Variants in MOXD1 observed in about 807,000 individuals in gnomAD.
MOXD1 encodes monooxygenase DBH like 1, also known as DBH-like monooxygenase protein 1.
MOXD1 carries 62 observed loss-of-function variants against 66.6 expected under a neutral mutation model. The observed-to-expected ratio is 0.93, with a 90% CI of 0.76 to 1.15. The LOEUF (loss-of-function observed/expected upper bound fraction) is 1.15, where lower values mean the gene tolerates loss of function less well. MOXD1 is among the 50% of genes most tolerant of loss of function. MOXD1 has a pLI of 0.00. For synonymous variants in MOXD1, 303 were observed against 281.9 expected (o/e 1.07, Z -0.75); for missense variants, 847 against 754.6 (o/e 1.12, Z -1.44).
chr6:132,390,363 T>C lies in MOXD1; in HGVS notation c.264+10800A>G, dbSNP rs1011903433. The C allele has an allele frequency of 4.6e-5, 7 of 151,528 alleles. 2 individuals carry two copies. Among genetic ancestry groups the C allele is most frequent in the Non-Finnish European group, 1.0e-4 (7 of 67,750 alleles). 9.4% of individuals were successfully genotyped at this position (151,528 alleles called of 1,614,324 possible). A position where few individuals can be genotyped will look rare whatever the true frequency, so the allele number is the denominator to read the frequency against. On this transcript the variant is annotated intron_variant, in intron 1 of 11. Transcript: ENST00000367963. Reference sequence around the variant, plus strand: ...AACCTTCAAAACTTGGGACACTTGTTTTCTTTCATGTTTTGAGTATCAGCA... The same window carrying C: ...AACCTTCAAAACTTGGGACACTTGTCTTCTTTCATGTTTTGAGTATCAGCA...
intron 4 of MOXD1, among the ~76,000 whole-genome samples, chr6:132,335,541 G>A (rs980192396): frequency 2.0e-5 from 3 of 152,300 alleles, no homozygotes; most frequent in Middle Eastern, 6.8e-3. Context: ...AGATTGGAGT[G>A]ATGCTGCCAC....
At chr6:132,384,152 T>A (rs192430616) in intron 1 of MOXD1, among the ~76,000 whole-genome samples, 1 of 152,232 alleles carries the variant, frequency 6.6e-6, no homozygotes, top group Non-Finnish European at 1.5e-5. Context: ...CTTTCCTTTA[T>A]CCTTCCCTCC....
chr6:132,363,887 A>G (rs375500961), intron 4 of MOXD1, among the ~76,000 whole-genome samples: 24 of 151,352 alleles, frequency 1.6e-4, no homozygotes, highest in African/African-American at 4.9e-4. Context: ...ATATCTTAGT[A>G]TTCTTTCAAT....
intron 4 of MOXD1, 79 bp downstream of exon 4, chr6:132,372,529 T>C: frequency 7.8e-7 from 1 of 1,283,324 alleles, no homozygotes. Flanking sequence ...TTCTATACTT[T>C]TACTGTTTTC....
chr6:132,386,066 G>A (rs1445976204), intron 1 of MOXD1, among the ~76,000 whole-genome samples: 1 of 140,748 alleles, frequency 7.1e-6, no homozygotes, highest in Admixed American at 7.4e-5. Flanking sequence ...TCGCGCCACT[G>A]CACTCCAGCC....
intron 10 of MOXD1, among the ~76,000 whole-genome samples, chr6:132,309,725 C>G (rs544137458): frequency 6.6e-6 from 1 of 152,096 alleles, no homozygotes; most frequent in African/African-American, 2.4e-5. Context: ...CAACCATTAA[C>G]AAACTTGACA....
Position 132,322,836 on chromosome 6 carries a change from ACAT to A in MOXD1, c.1145_1147del (p.His382_Val383delinsLeu). 1 of 1,613,820 alleles carries A rather than the reference ACAT, an allele frequency of 6.2e-7. No homozygotes were observed. On this transcript the variant is annotated inframe_deletion, in exon 8 of 12. Coordinates refer to ENST00000367963, the MANE Select transcript of MOXD1 (RefSeq NM_015529.4). ...GTGAGCATGGAGAAGAACAGCAAACACATGAATTCCACTTGGCTTTTCGGCTTC... is the reference window on the plus strand; with the variant it reads ...GTGAGCATGGAGAAGAACAGCAAACAGAATTCCACTTGGCTTTTCGGCTTC...
chr6:132,322,993 G>A, intron 7 of MOXD1, 123 bp from the exon 8 acceptor site: 1 of 852,270 alleles, frequency 1.2e-6, no homozygotes, highest in Non-Finnish European at 1.7e-6. Flanking sequence ...ATGAATGCTT[G>A]AACTGAAAAA....
At chr6:132,323,468 G>T (rs1173602458) in intron 7 of MOXD1, among the ~76,000 whole-genome samples, 4 of 151,974 alleles carry the variant, frequency 2.6e-5, no homozygotes, top group Non-Finnish European at 5.9e-5. Context: ...AGTGAAAATT[G>T]TCATTACTAA....
At chr6:132,346,996 C>T (rs56352231) in intron 4 of MOXD1, among the ~76,000 whole-genome samples, 8,695 of 152,126 alleles carry the variant, frequency 0.057, 464 homozygotes, top group African/African-American at 0.14. Flanking sequence ...TTTATGATCA[C>T]GTAAAAGATA....
intron 10 of MOXD1, among the ~76,000 whole-genome samples, chr6:132,309,240 A>G (rs1260667354): frequency 2.0e-5 from 3 of 152,212 alleles, no homozygotes; most frequent in Admixed American, 2.0e-4. Context: ...ACAAGCAGAG[A>G]GCCAAATCAT....
chr6:132,376,741 C>A lies in MOXD1; in HGVS notation c.265-1964G>T, dbSNP rs1260798769. The stretch of plus-strand genomic sequence containing the variant: ...TTTTAGCCAGGATGGTCTCGATCTC[C>A]TGACCTCGTGATCCGCCCGCCTCGG... On this transcript the variant is annotated intron_variant, in intron 1 of 11. Coordinates refer to ENST00000367963, the MANE Select transcript of MOXD1 (RefSeq NM_015529.4). 5.3e-5 allele frequency among the ~76,000 whole-genome samples: 7 copies of A among 132,500 alleles called. 1 individual carries two copies. The highest frequency in any genetic ancestry group is 6.0e-5 in the Non-Finnish European group (4 of 66,208). 86.9% of individuals were successfully genotyped at this position (132,500 alleles called of 152,430 possible).
intron 4 of MOXD1, among the ~76,000 whole-genome samples, chr6:132,342,941 T>C (rs1173631368): frequency 1.3e-5 from 2 of 152,194 alleles, no homozygotes; most frequent in African/African-American, 4.8e-5. Flanking sequence ...ACATGTTTTA[T>C]GGAGGATGAA....
intron 10 of MOXD1, among the ~76,000 whole-genome samples, chr6:132,312,977 G>A (rs980389993): frequency 7.2e-5 from 11 of 151,966 alleles, no homozygotes; most frequent in African/African-American, 2.7e-4. Context: ...GCTAAGTAAG[G>A]AACAATATAA....
chr6:132,317,225 A>C (rs547945392), intron 9 of MOXD1, among the ~76,000 whole-genome samples: 2 of 152,248 alleles, frequency 1.3e-5, no homozygotes, highest in South Asian at 4.1e-4. Flanking sequence ...AAGGTGAAAA[A>C]CTTAATATTG....
chr6:132,363,389 G>A (rs1776054361), intron 4 of MOXD1, among the ~76,000 whole-genome samples: 2 of 152,022 alleles, frequency 1.3e-5, no homozygotes, highest in African/African-American at 4.8e-5. Flanking sequence ...CAACAAAGCT[G>A]TCAAAAAATA....
intron 10 of MOXD1, among the ~76,000 whole-genome samples, chr6:132,307,524 A>C (rs1387427283): frequency 6.6e-6 from 1 of 152,268 alleles, no homozygotes; most frequent in Admixed American, 6.5e-5. Flanking sequence ...TGGACCTAGT[A>C]GACGTCTACC....
intron 6 of MOXD1, among the ~76,000 whole-genome samples, chr6:132,325,737 G>A (rs1775172532): frequency 6.6e-6 from 1 of 152,152 alleles, no homozygotes; most frequent in Admixed American, 6.6e-5. Flanking sequence ...CATAATAGTA[G>A]CACTACTACC....
Position 132,349,454 on chromosome 6 carries a change from T to TATATATATAC in MOXD1, c.664-20861_664-20860insGTATATATAT, listed in dbSNP as rs1775753437. Among the ~76,000 whole-genome samples the TATATATATAC allele has an allele frequency of 7.8e-5, 2 of 25,520 alleles. 1 individual carries two copies. Among genetic ancestry groups the TATATATATAC allele is most frequent in the African/African-American group, 4.3e-4 (2 of 4,634 alleles). The allele number at this position is 25,520 out of a possible 152,430, so 16.7% of individuals were successfully genotyped here. A position where few individuals can be genotyped will look rare whatever the true frequency, so the allele number is the denominator to read the frequency against. On this transcript the variant is annotated intron_variant, in intron 4 of 11. Transcript: ENST00000367963. ...ATATATACATATATATATATATACA[T>TATATATATAC]ATATATATATACATATATATATATA...
Sources: gnomAD v4.1 joint callset for allele counts (sites outside exome capture counted in the v4.1 genomes callset) on GRCh38, gnomAD v4.1.1 for gene constraint, MANE v1.5 for transcripts, NCBI Gene and HGNC (gene_info 2026-07-23, HGNC 2026-07-21) for gene names.